The following GPC5 variants were observed in gnomAD, a reference collection of about 807,000 sequenced individuals.
GPC5 encodes glypican-5.
GPC5 carries 47 observed loss-of-function variants against 53.9 expected under a neutral mutation model. The ratio of observed to expected loss-of-function variants is 0.87; its 90% confidence interval spans 0.69 to 1.11. The LOEUF (loss-of-function observed/expected upper bound fraction) is 1.11, where lower values mean the gene tolerates loss of function less well. Ranked by LOEUF, GPC5 falls within the 50% of genes most tolerant of loss-of-function variation. GPC5 has a pLI of 0.00. For synonymous variants in GPC5, 286 were observed against 263.3 expected (o/e 1.09, Z -0.84); for missense variants, 748 against 713.1 (o/e 1.05, Z -0.56).
chr13:91,854,935 C>T (rs1479426368), intron 5 of GPC5, among the ~76,000 whole-genome samples: 1 of 151,626 alleles, frequency 6.6e-6, no homozygotes, highest in Non-Finnish European at 1.5e-5. Flanking sequence ...ACTTTCAAGT[C>T]ACACGATTTT....
intron 2 of GPC5, among the ~76,000 whole-genome samples, chr13:91,666,741 A>G (rs3864179): frequency 0.026 from 3,886 of 152,132 alleles, 172 homozygotes; most frequent in African/African-American, 0.089. Context: ...CATAAAGTAT[A>G]TTTTTGTTTT....
At chr13:92,625,887 A>G (rs1280788743) in intron 7 of GPC5, among the ~76,000 whole-genome samples, 1 of 152,178 alleles carries the variant, frequency 6.6e-6, no homozygotes, top group African/African-American at 2.4e-5. Flanking sequence ...AGGTGGTCAC[A>G]TGGGTCAAAG....
At position 92,658,399 on chromosome 13, in the gene GPC5, A is replaced by T. The variant is rs75237610; in HGVS notation, c.1562-207883A>T. 7.7e-4 allele frequency among the ~76,000 whole-genome samples: 117 copies of T among 152,292 alleles called. 1 individual carries two copies. Among genetic ancestry groups the T allele is most frequent in the African/African-American group, 2.5e-3 (105 of 41,566 alleles). ...TCTATGTTGCAAAATTTAGAGTTCT[A>T]TGTATTCATTTGGATTTGAGAATGA... On this transcript the variant is annotated intron_variant, in intron 7 of 7. Coordinates refer to ENST00000377067, the MANE Select transcript of GPC5 (RefSeq NM_004466.6).
At chr13:92,483,961 C>T (rs1355596123) in intron 7 of GPC5, among the ~76,000 whole-genome samples, 1 of 152,040 alleles carries the variant, frequency 6.6e-6, no homozygotes, top group Admixed American at 6.6e-5. Context: ...CATAGCAAAA[C>T]CTTGTCTCTA....
intron 2 of GPC5, among the ~76,000 whole-genome samples, chr13:91,601,380 A>G (rs1320569169): frequency 6.6e-6 from 1 of 152,166 alleles, no homozygotes; most frequent in African/African-American, 2.4e-5. Context: ...ACATAAGATT[A>G]GAGATAAAAT....
chr13:92,350,863 C>T (rs1026030718), intron 7 of GPC5, among the ~76,000 whole-genome samples: 1 of 151,870 alleles, frequency 6.6e-6, no homozygotes, highest in Non-Finnish European at 1.5e-5. Flanking sequence ...TTTAGAGAGA[C>T]AATAAGTCAC....
chr13:92,000,781 A>T (rs1200092485), intron 6 of GPC5, among the ~76,000 whole-genome samples: 1 of 152,158 alleles, frequency 6.6e-6, no homozygotes, highest in Admixed American at 6.5e-5. Context: ...CATGCCTCTG[A>T]AACTGAGAGG....
intron 6 of GPC5, among the ~76,000 whole-genome samples, chr13:92,038,901 C>A (rs1162153317): frequency 4.6e-5 from 7 of 152,092 alleles, no homozygotes; most frequent in Non-Finnish European, 1.5e-5. Context: ...CTGAGAAGAA[C>A]GCATCTAAGG....
chr13:91,711,407 G>A (rs1183477471), intron 3 of GPC5, among the ~76,000 whole-genome samples: 1 of 150,014 alleles, frequency 6.7e-6, no homozygotes, highest in Non-Finnish European at 1.5e-5. Context: ...TGAACAATGA[G>A]AACACTTGGA....
intron 1 of GPC5, among the ~76,000 whole-genome samples, chr13:91,413,739 G>C (rs1198501770): frequency 6.6e-6 from 1 of 152,150 alleles, no homozygotes; most frequent in Non-Finnish European, 1.5e-5. Context: ...TCTTGGCTCT[G>C]ATGTAGCTTC....
intron 3 of GPC5, among the ~76,000 whole-genome samples, chr13:91,697,934 C>G (rs1206468193): frequency 1.3e-5 from 2 of 149,676 alleles, no homozygotes; most frequent in East Asian, 2.0e-4. Context: ...CGGAGTCTCG[C>G]CCTGTCACCC....
chr13:92,858,350 A>G (rs949988307), intron 7 of GPC5, among the ~76,000 whole-genome samples: 4 of 152,284 alleles, frequency 2.6e-5, no homozygotes, highest in South Asian at 2.1e-4. Flanking sequence ...GTCTTCCGCC[A>G]TGATGGTGAG....
chr13:92,806,389 A>G (rs909103762), intron 7 of GPC5, among the ~76,000 whole-genome samples: 4 of 152,094 alleles, frequency 2.6e-5, no homozygotes, highest in African/African-American at 9.7e-5. Context: ...GCAATAAGAC[A>G]GTTTCACTTT....
At chr13:91,678,615 C>T (rs2035437137) in intron 2 of GPC5, among the ~76,000 whole-genome samples, 1 of 151,978 alleles carries the variant, frequency 6.6e-6, no homozygotes, top group Non-Finnish European at 1.5e-5. Flanking sequence ...AAGTTAATGA[C>T]AATTCTTAGA....
chr13:91,875,622 T>A (rs937541529), intron 5 of GPC5, among the ~76,000 whole-genome samples: 2 of 152,222 alleles, frequency 1.3e-5, no homozygotes, highest in Admixed American at 6.5e-5. Flanking sequence ...GAAACTGCCA[T>A]TTCTGAAATA....
chr13:92,015,875 C>T (rs1036741924), intron 6 of GPC5, among the ~76,000 whole-genome samples: 22 of 152,178 alleles, frequency 1.4e-4, no homozygotes, highest in African/African-American at 5.1e-4. Flanking sequence ...CTGAACATCT[C>T]TTTTATTTAC....
chr13:91,975,872 A>G (rs983973170), intron 6 of GPC5, among the ~76,000 whole-genome samples: 2 of 152,250 alleles, frequency 1.3e-5, no homozygotes, highest in African/African-American at 2.4e-5. Flanking sequence ...GAACCAACCC[A>G]AATGCCCAAC....
chr13:92,290,444 T>C (rs2042985515), intron 7 of GPC5, among the ~76,000 whole-genome samples: 1 of 152,168 alleles, frequency 6.6e-6, no homozygotes, highest in African/African-American at 2.4e-5. Context: ...ACCCAAACAC[T>C]ATGCACTGCA....
At chr13:92,865,450 A>G (rs1381395864) in intron 7 of GPC5, among the ~76,000 whole-genome samples, 1 of 152,148 alleles carries the variant, frequency 6.6e-6, no homozygotes, top group East Asian at 1.9e-4. Flanking sequence ...GGAATCTAAA[A>G]TAGCTGAAGT....
Sources: gnomAD v4.1 joint callset for allele counts (sites outside exome capture counted in the v4.1 genomes callset) on GRCh38, gnomAD v4.1.1 for gene constraint, MANE v1.5 for transcripts, NCBI Gene and HGNC (gene_info 2026-07-23, HGNC 2026-07-21) for gene names.